Variants in ROR1 observed in about 807,000 individuals in gnomAD.
The protein encoded by ROR1 is ROR family WNT receptor 1, also known as inactive tyrosine-protein kinase transmembrane receptor ROR1.
A neutral mutation model predicts 78.8 loss-of-function variants in ROR1; 19 were observed. The ratio of observed to expected loss-of-function variants is 0.24; its 90% CI spans 0.17 to 0.35. The LOEUF is 0.35. Among genes scored for constraint, ROR1 ranks in the 10% least tolerant of loss-of-function variants. The pLI, the probability that ROR1 is intolerant of heterozygous loss-of-function variation, is 1.00. For missense variants in ROR1, 917 were observed against 1,177.8 expected (o/e 0.78, Z 3.24); for synonymous variants, 386 against 433.6 (o/e 0.89, Z 1.36).
intron 1 of ROR1, among the ~76,000 whole-genome samples, chr1:63,855,949 G>A (rs1164947986): frequency 6.6e-6 from 1 of 151,978 alleles, no homozygotes; most frequent in Non-Finnish European, 1.5e-5. Flanking sequence ...GAGCTACCAC[G>A]CCCTGCTGAT....
At chr1:64,167,665 G>A (rs1214850230) in intron 8 of ROR1, among the ~76,000 whole-genome samples, 1 of 152,178 alleles carries the variant, frequency 6.6e-6, no homozygotes, top group Non-Finnish European at 1.5e-5. Context: ...TTGGAGTCAA[G>A]CAGATCCATG....
chr1:63,919,049 G>T (rs1645632590), intron 1 of ROR1, among the ~76,000 whole-genome samples: 1 of 152,104 alleles, frequency 6.6e-6, no homozygotes, highest in South Asian at 2.1e-4. Flanking sequence ...CAAAAGACAG[G>T]AATATCTAGA....
At chr1:63,843,392 C>T (rs1645061266) in intron 1 of ROR1, 1 of 761,598 alleles carries the variant, frequency 1.3e-6, no homozygotes, top group South Asian at 1.4e-5. Context: ...AGATAAACAC[C>T]AGGTCCTCCT....
chr1:63,901,608 A>G (rs77109657), intron 1 of ROR1, among the ~76,000 whole-genome samples: 1 of 21,036 alleles, frequency 4.8e-5, no homozygotes, highest in African/African-American at 5.0e-5. Flanking sequence ...TTTAATTTGG[A>G]AAAAAAAAAA....
rs1208550048 is a variant in ROR1, at chr1:64,141,294, G to A, written c.928+868G>A. ...ACGTGTGGTTCTGCAGGCTGTACAG[G>A]GAGTATAGCAGCTTCTGCAGAAGGT... On this transcript the variant is annotated intron_variant, in intron 6 of 8. Transcript: ENST00000371079. Among the ~76,000 whole-genome samples the A allele has an allele frequency of 2.6e-5, 4 of 152,280 alleles. No individual in the cohort carries two copies. In the East Asian group the frequency reaches 5.8e-4, roughly 22 times the overall value.
Position 63,774,402 on chromosome 1 carries a change from C to A in ROR1, c.-16C>A. On this transcript the variant is annotated 5_prime_UTR_variant, in exon 1 of 9. Coordinates refer to ENST00000371079, the MANE Select transcript of ROR1 (RefSeq NM_005012.4). This position sits in a 1 kb window ranked among gnomAD's most constrained non-coding sequence, Gnocchi z 5.7. The stretch of plus-strand genomic sequence containing the variant: ...GCCTGGGAGCCGCCGCCGCCGCCGC[C>A]TCAGCGAGAGGAGGAATGCACCGGC... The A allele has an allele frequency of 8.0e-7, 1 of 1,255,256 alleles. No homozygotes were observed. Among genetic ancestry groups the A allele is most frequent in the South Asian group, 2.1e-5 (1 of 47,822 alleles). 77.8% of individuals were successfully genotyped at this position (1,255,256 alleles called of 1,614,324 possible). A position where few individuals can be genotyped will look rare whatever the true frequency, so the allele number is the denominator to read the frequency against.
intron 1 of ROR1, among the ~76,000 whole-genome samples, chr1:63,961,234 G>A (rs568425829): frequency 6.6e-6 from 1 of 152,182 alleles, no homozygotes; most frequent in South Asian, 2.1e-4. Flanking sequence ...TACACTGTTG[G>A]TGGAGATATA....
At chr1:63,907,893 A>C (rs1645541158) in intron 1 of ROR1, among the ~76,000 whole-genome samples, 1 of 152,188 alleles carries the variant, frequency 6.6e-6, no homozygotes. Context: ...AAAGCTAGAG[A>C]AATAAATCTG....
chr1:64,076,421 GA>G (rs1178696784), intron 4 of ROR1, among the ~76,000 whole-genome samples: 5 of 152,160 alleles, frequency 3.3e-5, no homozygotes, highest in African/African-American at 1.2e-4. Flanking sequence ...ACAGCTTGAG[GA>G]AATCCTAAAA....
chr1:63,864,130 T>G (rs1645200633), intron 1 of ROR1, among the ~76,000 whole-genome samples: 1 of 152,188 alleles, frequency 6.6e-6, no homozygotes, highest in Non-Finnish European at 1.5e-5. Flanking sequence ...ATCATCCCTA[T>G]TTTAGAGATA....
At chr1:64,046,448 G>A (rs1004901315) in intron 2 of ROR1, among the ~76,000 whole-genome samples, 1 of 152,194 alleles carries the variant, frequency 6.6e-6, no homozygotes, top group Non-Finnish European at 1.5e-5. Flanking sequence ...GTTCTCTCTG[G>A]AAACACACTG....
chr1:63,964,479 A>G (rs957147997), intron 1 of ROR1, among the ~76,000 whole-genome samples: 6 of 152,210 alleles, frequency 3.9e-5, no homozygotes, highest in Admixed American at 6.5e-5. Flanking sequence ...TCTTCATCAA[A>G]TATTTATACA....
intron 4 of ROR1, among the ~76,000 whole-genome samples, chr1:64,053,469 T>C (rs1646849587): frequency 6.6e-6 from 1 of 152,214 alleles, no homozygotes; most frequent in Non-Finnish European, 1.5e-5. Context: ...TTTCCGTTCA[T>C]AGATTTAGGC....
intron 2 of ROR1, among the ~76,000 whole-genome samples, chr1:64,044,158 T>C (rs1382906147): frequency 6.6e-6 from 1 of 152,160 alleles, no homozygotes; most frequent in African/African-American, 2.4e-5. Context: ...GCCACTCTGC[T>C]CTCTGACTCA....
At chr1:63,796,673 C>G in intron 1 of ROR1, among the ~76,000 whole-genome samples, 1 of 152,174 alleles carries the variant, frequency 6.6e-6, no homozygotes, top group East Asian at 1.9e-4. Flanking sequence ...CACAAGCAGT[C>G]GTACATTCAG....
intron 1 of ROR1, among the ~76,000 whole-genome samples, chr1:63,994,278 G>A (rs1570030075): frequency 6.6e-6 from 1 of 151,724 alleles, no homozygotes; most frequent in Non-Finnish European, 1.5e-5. Context: ...CAATAATTTT[G>A]TCTCCCTAGT....
chr1:64,066,381 C>A (rs891400128), intron 4 of ROR1, among the ~76,000 whole-genome samples: 25 of 151,206 alleles, frequency 1.7e-4, no homozygotes, highest in African/African-American at 5.9e-4. Flanking sequence ...GCAGTGGCGC[C>A]ATCTTGGCTC....
At chr1:64,020,091 C>A (rs1434808003) in intron 2 of ROR1, among the ~76,000 whole-genome samples, 4 of 152,152 alleles carry the variant, frequency 2.6e-5, no homozygotes, top group African/African-American at 9.7e-5. Context: ...ATGAATTCCA[C>A]TCCAGGGCCA....
chr1:63,874,954 T>A (rs1358116838), intron 1 of ROR1, among the ~76,000 whole-genome samples: 2 of 152,080 alleles, frequency 1.3e-5, no homozygotes, highest in African/African-American at 4.8e-5. Flanking sequence ...TGGTGGAGCA[T>A]TTCTTTTAAG....
Sources: allele counts gnomAD v4.1 joint callset (sites outside exome capture counted in the v4.1 genomes callset), GRCh38; gene constraint gnomAD v4.1.1; non-coding constraint Gnocchi (gnomAD v3.1); transcripts MANE v1.5; gene names NCBI Gene and HGNC (gene_info 2026-07-23, HGNC 2026-07-21).